The following RNGTT variants were observed in gnomAD, a reference collection of about 807,000 sequenced individuals.
The protein encoded by RNGTT is RNA guanylyltransferase and 5'-phosphatase.
A neutral mutation model predicts 79.3 loss-of-function variants in RNGTT; 33 were observed. The observed-to-expected ratio is 0.42, with a 90% CI of 0.32 to 0.56. The LOEUF is 0.56. RNGTT is among the 20% of genes least tolerant of loss of function. The pLI is 0.17. For missense variants in RNGTT, 497 were observed against 739.1 expected, an observed-to-expected ratio of 0.67 and a Z score of 3.80; for synonymous variants, 222 against 235.9, an observed-to-expected ratio of 0.94 and a Z score of 0.54.
At chr6:88,828,732 G>A (rs949867728) in intron 11 of RNGTT, among the ~76,000 whole-genome samples, 3 of 151,772 alleles carry the variant, frequency 2.0e-5, no homozygotes, top group South Asian at 4.2e-4. Context: ...TGAGAACTTC[G>A]TGAAGCATAC....
At chr6:88,727,903 C>T (rs34043956) in intron 13 of RNGTT, among the ~76,000 whole-genome samples, 14,023 of 152,224 alleles carry the variant, frequency 0.092, 891 homozygotes, top group Middle Eastern at 0.19. Context: ...CTAGAATTTC[C>T]GGTAAACTAG....
At chr6:88,794,315 T>C (rs764446623) in intron 12 of RNGTT, among the ~76,000 whole-genome samples, 2 of 152,212 alleles carry the variant, frequency 1.3e-5, no homozygotes, top group African/African-American at 2.4e-5. Context: ...GATAAGTTTT[T>C]TGAAAGGAAA....
intron 12 of RNGTT, among the ~76,000 whole-genome samples, chr6:88,799,096 T>C (rs1008796307): frequency 4.0e-5 from 6 of 151,808 alleles, no homozygotes; most frequent in Non-Finnish European, 7.4e-5. Flanking sequence ...ATGACAAATA[T>C]TTAGAAGTTA....
chr6:88,758,388 G>A (rs890599498), intron 13 of RNGTT, among the ~76,000 whole-genome samples: 1 of 152,156 alleles, frequency 6.6e-6, no homozygotes, highest in Non-Finnish European at 1.5e-5. Flanking sequence ...CCAAGAAGGG[G>A]ATAGTCAAGT....
At chr6:88,677,871 T>C (rs577945307) in intron 14 of RNGTT, 1 of 152,552 alleles carries the variant, frequency 6.6e-6, no homozygotes, top group East Asian at 1.9e-4. Flanking sequence ...TCGGTCAAAG[T>C]CAATTTTACT....
chr6:88,867,017 A>AGCATTCTCCTGCAT (rs1782196537), intron 8 of RNGTT, among the ~76,000 whole-genome samples: 2 of 152,230 alleles, frequency 1.3e-5, no homozygotes, highest in Non-Finnish European at 1.5e-5. Context: ...TAGCATTAGC[A>AGCATTCTCCTGCAT]TCTCCTGGAA....
rs915815764 is a variant in RNGTT, at chr6:88,785,637, T to C, written c.1339-15763A>G. ...AGCCTGCCAGAAAACAGAGCCCTTC[T>C]TCAAATGAAGACCTATCAAAATATG... On this transcript the variant is annotated intron_variant, in intron 12 of 15. Coordinates refer to ENST00000369485, the MANE Select transcript of RNGTT (RefSeq NM_003800.5). Among the ~76,000 whole-genome samples the C allele has an allele frequency of 3.3e-5, 5 of 152,266 alleles. No homozygotes were observed. The East Asian group carries it at 7.7e-4, about 23-fold the overall frequency.
chr6:88,753,908 G>A (rs1777922289), intron 13 of RNGTT, among the ~76,000 whole-genome samples: 1 of 152,082 alleles, frequency 6.6e-6, no homozygotes, highest in Non-Finnish European at 1.5e-5. Context: ...CTTGACAAAT[G>A]TAAGGATGAT....
At chr6:88,891,063 T>C (rs1783033977) in intron 7 of RNGTT, among the ~76,000 whole-genome samples, 2 of 152,092 alleles carry the variant, frequency 1.3e-5, no homozygotes, top group African/African-American at 2.4e-5. Context: ...TGGGTCAAGA[T>C]TAAGGCTTAA....
chr6:88,657,530 G>A (rs888981220), intron 14 of RNGTT, among the ~76,000 whole-genome samples: 3 of 152,170 alleles, frequency 2.0e-5, no homozygotes, highest in African/African-American at 7.2e-5. Flanking sequence ...TTCCTAAACA[G>A]AATCAGGGGG....
chr6:88,928,321 A>C (rs1784386380), intron 4 of RNGTT, among the ~76,000 whole-genome samples: 1 of 152,232 alleles, frequency 6.6e-6, no homozygotes, highest in Non-Finnish European at 1.5e-5. Context: ...CAACAACAAC[A>C]AACCTGAAAA....
intron 13 of RNGTT, among the ~76,000 whole-genome samples, chr6:88,705,768 T>C (rs1019444056): frequency 1.3e-5 from 2 of 152,148 alleles, no homozygotes; most frequent in Non-Finnish European, 2.9e-5. Flanking sequence ...AAAGTGAATT[T>C]ATTGCTGTGG....
At chr6:88,913,457 T>C (rs1034305618) in intron 4 of RNGTT, among the ~76,000 whole-genome samples, 2 of 151,936 alleles carry the variant, frequency 1.3e-5, no homozygotes, top group Admixed American at 1.3e-4. Flanking sequence ...ACAAAAATCC[T>C]CAAAAAAATA....
At chr6:88,849,494 T>C (rs896512794) in intron 10 of RNGTT, among the ~76,000 whole-genome samples, 6 of 151,988 alleles carry the variant, frequency 3.9e-5, no homozygotes, top group African/African-American at 1.4e-4. Context: ...TTTTATGAAA[T>C]GCTGTCTTAT....
At chr6:88,833,842 T>C (rs1780967162) in intron 11 of RNGTT, among the ~76,000 whole-genome samples, 1 of 151,970 alleles carries the variant, frequency 6.6e-6, no homozygotes, top group African/African-American at 2.4e-5. Context: ...GCCAATATGG[T>C]GAAACCCCAT....
At chr6:88,845,405 TTGAGGA>T (rs557261038) in intron 10 of RNGTT, among the ~76,000 whole-genome samples, 6 of 152,362 alleles carry the variant, frequency 3.9e-5, no homozygotes, top group Middle Eastern at 6.8e-3. Flanking sequence ...TTTGTATGAA[TTGAGGA>T]TAAGTCTCGT....
intron 12 of RNGTT, among the ~76,000 whole-genome samples, chr6:88,776,098 T>C (rs1168348970): frequency 6.6e-6 from 1 of 152,192 alleles, no homozygotes; most frequent in Non-Finnish European, 1.5e-5. Flanking sequence ...TTTTAATCGT[T>C]TGAGGAGCCT....
chr6:88,645,851 G>C (rs566452039), intron 14 of RNGTT, among the ~76,000 whole-genome samples: 2 of 152,070 alleles, frequency 1.3e-5, no homozygotes, highest in Non-Finnish European at 2.9e-5. Context: ...ACAAAAATTA[G>C]TCAAGATGGA....
chr6:88,918,171 A>C (rs1380147515), intron 4 of RNGTT, among the ~76,000 whole-genome samples: 2 of 152,038 alleles, frequency 1.3e-5, no homozygotes, highest in East Asian at 3.9e-4. Context: ...TAAAATTTAA[A>C]AAATAGCCAG....
Sources: gnomAD v4.1 joint callset for allele counts (sites outside exome capture counted in the v4.1 genomes callset) on GRCh38, gnomAD v4.1.1 for gene constraint, MANE v1.5 for transcripts, NCBI Gene and HGNC (gene_info 2026-07-23, HGNC 2026-07-21) for gene names.